ELP4: variants seen among roughly 807,000 people sequenced by gnomAD.
ELP4 encodes the protein elongator acetyltransferase complex subunit 4.
A neutral mutation model predicts 48.9 loss-of-function variants in ELP4; 51 were observed. The ratio of observed to expected loss-of-function variants is 1.04; its 90% CI spans 0.83 to 1.32. The LOEUF (loss-of-function observed/expected upper bound fraction) is 1.32. Among genes scored for constraint, ELP4 ranks in the 40% most tolerant of loss-of-function variants. The pLI is 0.00. For synonymous variants in ELP4, 210 were observed against 189.2 expected (o/e 1.11, Z -0.90); for missense variants, 519 against 514.6 (o/e 1.01, Z -0.08).
At chr11:31,699,791 G>C (rs1423711689) in intron 9 of ELP4, among the ~76,000 whole-genome samples, 1 of 152,118 alleles carries the variant, frequency 6.6e-6, no homozygotes, top group Non-Finnish European at 1.5e-5. Flanking sequence ...ACATCACCTT[G>C]ATGTGTAGCC....
At chr11:31,611,793 A>C (rs1456983954) in intron 5 of ELP4, among the ~76,000 whole-genome samples, 2 of 152,198 alleles carry the variant, frequency 1.3e-5, no homozygotes, top group Non-Finnish European at 2.9e-5. Context: ...ATTTTTTTTA[A>C]ACAAGCAAAC....
chr11:31,611,930 C>G (rs928822647), intron 5 of ELP4, among the ~76,000 whole-genome samples: 2 of 152,176 alleles, frequency 1.3e-5, no homozygotes, highest in Non-Finnish European at 2.9e-5. Context: ...AACATTTTAG[C>G]TGAGACCCAA....
At chr11:31,605,666 A>G (rs912982362) in intron 5 of ELP4, among the ~76,000 whole-genome samples, 8 of 152,044 alleles carry the variant, frequency 5.3e-5, no homozygotes, top group African/African-American at 1.9e-4. Flanking sequence ...ACTTTTTTTT[A>G]CACCAGCAAG....
At chr11:31,543,615 A>C (rs1956632573) in intron 3 of ELP4, among the ~76,000 whole-genome samples, 3 of 152,170 alleles carry the variant, frequency 2.0e-5, no homozygotes, top group Non-Finnish European at 4.4e-5. Context: ...AAAAGTCCTG[A>C]AGAAAACAAC....
rs760147386 is a variant in ELP4 at position 31,594,841 on chromosome 11, A to G, written c.453A>G (p.Thr151=). The change falls in exon 4 of 10, where the codon ACA becomes ACG. Residue 151 remains threonine, a synonymous_variant. Coordinates refer to ENST00000640961, the MANE Select transcript of ELP4 (RefSeq NM_019040.5). ...ATGAAGATGTATACAATCATAAAACACCAGAATCTAATATTAAGATGAAAA... is the reference window on the plus strand; with the variant it reads ...ATGAAGATGTATACAATCATAAAACGCCAGAATCTAATATTAAGATGAAAA... The part of the protein sequence containing the change: ...EFDEDVYNHK[T]PESNIKMKIA... 50 of 1,568,034 alleles carry G rather than the reference A, an allele frequency of 3.2e-5. No individual in the cohort carries two copies. Among genetic ancestry groups the G allele is most frequent in the Non-Finnish European group, 3.4e-6 (4 of 1,162,904 alleles).
At position 31,784,600 on chromosome 11, in the gene ELP4, A is replaced by G. The variant is rs945481231; in HGVS notation, c.*1076A>G. On this transcript the variant is annotated 3_prime_UTR_variant, in exon 10 of 10. Coordinates refer to ENST00000640961, the MANE Select transcript of ELP4 (RefSeq NM_019040.5). ...GGGAGAAACTGAATTTCCAAAATAC[A>G]TTTTCAAATGTATTTAATATTTTGA... is the stretch of plus-strand genomic sequence containing the variant. 2 of 152,812 alleles carry G rather than the reference A, an allele frequency of 1.3e-5. No individual in the cohort carries two copies. Among genetic ancestry groups the G allele is most frequent in the Non-Finnish European group, 2.9e-5 (2 of 68,392 alleles). 9.5% of individuals were successfully genotyped at this position (152,812 alleles called of 1,614,324 possible).
intron 5 of ELP4, among the ~76,000 whole-genome samples, chr11:31,617,430 G>A (rs1056514150): frequency 2.6e-5 from 4 of 151,982 alleles, no homozygotes; most frequent in African/African-American, 7.2e-5. Context: ...GGGAAAGAGG[G>A]AAGTGAGGAG....
intron 9 of ELP4, among the ~76,000 whole-genome samples, chr11:31,674,766 C>G (rs572312432): frequency 6.6e-6 from 1 of 152,294 alleles, no homozygotes; most frequent in East Asian, 1.9e-4. Flanking sequence ...GCTTTTCTCT[C>G]AAACCTGAAG....
chr11:31,529,187 T>C (rs1956351241), intron 2 of ELP4, among the ~76,000 whole-genome samples: 1 of 152,054 alleles, frequency 6.6e-6, no homozygotes, highest in Non-Finnish European at 1.5e-5. Flanking sequence ...GTGTTTAGTA[T>C]AGAGTTAGTG....
intron 9 of ELP4, among the ~76,000 whole-genome samples, chr11:31,731,567 GGTGTGTGTGT>G (rs148076836): frequency 6.3e-5 from 9 of 142,866 alleles, no homozygotes; most frequent in Admixed American, 2.8e-4. Context: ...CCATTAAGCA[GGTGTGTGTGT>G]GTGTGTGTGT....
intron 9 of ELP4, among the ~76,000 whole-genome samples, chr11:31,738,330 C>G (rs556565154): frequency 1.3e-5 from 2 of 150,592 alleles, no homozygotes; most frequent in Non-Finnish European, 2.9e-5. Context: ...GGAAGAATTG[C>G]TTGGGCCGTG....
intron 9 of ELP4, among the ~76,000 whole-genome samples, chr11:31,776,454 C>G (rs1948250338): frequency 6.6e-6 from 1 of 152,164 alleles, no homozygotes. Context: ...GACCTCTGTT[C>G]TAGAAGGCTA....
chr11:31,622,501 T>C (rs1944645537), intron 5 of ELP4, among the ~76,000 whole-genome samples: 1 of 151,802 alleles, frequency 6.6e-6, no homozygotes, highest in South Asian at 2.1e-4. Context: ...TGATTTCTTT[T>C]GTAGAATACT....
At chr11:31,782,317 T>A (rs1276254125) in intron 9 of ELP4, among the ~76,000 whole-genome samples, 1 of 152,188 alleles carries the variant, frequency 6.6e-6, no homozygotes, top group Non-Finnish European at 1.5e-5. Flanking sequence ...TTCATCTGTT[T>A]TTCCCCCCCA....
intron 7 of ELP4, among the ~76,000 whole-genome samples, chr11:31,645,220 T>G (rs933580336): frequency 6.6e-6 from 1 of 151,758 alleles, no homozygotes; most frequent in African/African-American, 2.4e-5. Context: ...ATGAATGAGT[T>G]TCTGGAAAAT....
chr11:31,720,634 C>CT (rs1442957050), intron 9 of ELP4, among the ~76,000 whole-genome samples: 1 of 152,166 alleles, frequency 6.6e-6, no homozygotes, highest in Non-Finnish European at 1.5e-5. Context: ...TACACGTTAA[C>CT]TGAGAGGAGT....
At chr11:31,659,043 G>A (rs762920782) in intron 9 of ELP4, among the ~76,000 whole-genome samples, 2 of 151,788 alleles carry the variant, frequency 1.3e-5, no homozygotes, top group Non-Finnish European at 2.9e-5. Context: ...TTAGTAATAC[G>A]AAGAAATTGT....
intron 1 of ELP4, among the ~76,000 whole-genome samples, chr11:31,514,591 A>G (rs1261859620): frequency 6.6e-6 from 1 of 152,224 alleles, no homozygotes; most frequent in African/African-American, 2.4e-5. Flanking sequence ...TTATAAAAAT[A>G]AGATGATTGT....
chr11:31,598,503 C>CTTTTTTTTTTTTTTTTTTTTTTTTT (rs10702222), intron 4 of ELP4, among the ~76,000 whole-genome samples: 7 of 77,738 alleles, frequency 9.0e-5, no homozygotes, highest in South Asian at 5.5e-4. Context: ...TTTTCTTCTT[C>CTTTTTTTTTTTTTTTTTTTTTTTTT]TTTTTTTTTT....
Sources: allele counts gnomAD v4.1 joint callset (sites outside exome capture counted in the v4.1 genomes callset), GRCh38; gene constraint gnomAD v4.1.1; transcripts MANE v1.5; gene names NCBI Gene and HGNC (gene_info 2026-07-23, HGNC 2026-07-21).